Variants in LIPI observed in about 807,000 individuals in gnomAD.
LIPI encodes lipase I, also known as lipase member I.
A neutral mutation model predicts 50.6 loss-of-function variants in LIPI; 59 were observed. The ratio of observed to expected loss-of-function variants is 1.16; its 90% CI spans 0.94 to 1.45. The LOEUF (loss-of-function observed/expected upper bound fraction) is 1.45, where lower values mean the gene tolerates loss of function less well. Among genes scored for constraint, LIPI ranks in the 40% most tolerant of loss-of-function variants. The pLI, the probability that LIPI is intolerant of heterozygous loss-of-function variation, is 0.00. For synonymous variants in LIPI, 203 were observed against 178.2 expected (o/e 1.14, Z -1.11); for missense variants, 586 against 536.3 (o/e 1.09, Z -0.92).
intron 1 of LIPI, chr21:14,206,771 T>C: frequency 8.4e-7 from 1 of 1,183,808 alleles, no homozygotes; most frequent in Non-Finnish European, 1.2e-6. Flanking sequence ...TCCTCTTCTT[T>C]TCTTCATTTT....
intron 7 of LIPI, among the ~76,000 whole-genome samples, chr21:14,154,038 G>A (rs2018190729): frequency 1.3e-5 from 2 of 152,038 alleles, no homozygotes; most frequent in Admixed American, 6.6e-5. Context: ...TTGAAGAAGA[G>A]CTGATTTCTG....
chr21:14,183,272 A>G (rs1600911431), intron 3 of LIPI, among the ~76,000 whole-genome samples: 1 of 152,136 alleles, frequency 6.6e-6, no homozygotes, highest in Admixed American at 6.5e-5. Flanking sequence ...GGCTAGCCAT[A>G]TGTAGAAAGC....
intron 8 of LIPI, among the ~76,000 whole-genome samples, chr21:14,146,770 C>CTTTTTTTTTTT (rs1308738575): frequency 3.1e-5 from 2 of 64,866 alleles, no homozygotes; most frequent in African/African-American, 1.4e-4. Flanking sequence ...TTCCCAGTCT[C>CTTTTTTTTTTT]TATTTTTTTT....
intron 9 of LIPI, among the ~76,000 whole-genome samples, chr21:14,116,191 G>A (rs1002474969): frequency 6.6e-6 from 1 of 152,158 alleles, no homozygotes; most frequent in African/African-American, 2.4e-5. Flanking sequence ...TAGGGCAGGG[G>A]AGGTGTGTGA....
chr21:14,139,932 G>A (rs2017643497), intron 9 of LIPI, among the ~76,000 whole-genome samples: 1 of 152,130 alleles, frequency 6.6e-6, no homozygotes, highest in East Asian at 1.9e-4. Flanking sequence ...CAGTAGTCAA[G>A]GCGTTGAAAT....
intron 9 of LIPI, among the ~76,000 whole-genome samples, chr21:14,139,279 A>T (rs943534800): frequency 2.0e-5 from 3 of 152,154 alleles, no homozygotes; most frequent in Admixed American, 2.0e-4. Context: ...ACAATTTTAC[A>T]TACCTACAAT....
chr21:14,127,011 G>A (rs1258755804), intron 9 of LIPI, among the ~76,000 whole-genome samples: 1 of 152,172 alleles, frequency 6.6e-6, no homozygotes, highest in East Asian at 1.9e-4. Flanking sequence ...ATTTTTGAAA[G>A]TAGCTTTAGC....
chr21:14,120,981 A>G (rs1471390971), intron 9 of LIPI, among the ~76,000 whole-genome samples: 3 of 152,212 alleles, frequency 2.0e-5, no homozygotes, highest in African/African-American at 7.2e-5. Context: ...AGGAAACAGG[A>G]GCAGTGCCAT....
At chr21:14,206,148 T>C (rs2020219495) in intron 1 of LIPI, among the ~76,000 whole-genome samples, 1 of 152,140 alleles carries the variant, frequency 6.6e-6, no homozygotes, top group African/African-American at 2.4e-5. Flanking sequence ...ACAATGCCTG[T>C]GAAATTGAGA....
chr21:14,108,997 G>A lies in LIPI; in HGVS notation c.1379C>T (p.Thr460Ile), dbSNP rs2016299095. Residue 460 changes from threonine to isoleucine, a missense_variant, in exon 10 of 10, where the codon ACA (threonine) becomes ATA (isoleucine). Coordinates refer to ENST00000681601, the MANE Select transcript of LIPI (RefSeq NM_001302998.2). ...LNPNTCTPKNT is the reference protein window; with the variant it reads ...LNPNTCTPKNI ...CATTTGATGGAAGAAGGCATCTTAT[G>A]TGTTCTTTGGTGTACATGTGTTTGG... The A allele has an allele frequency of 6.2e-7, 1 of 1,609,234 alleles. No homozygotes were observed. The highest frequency in any genetic ancestry group is 1.3e-5 in the African/African-American group (1 of 74,912).
At chr21:14,151,128 G>A (rs769437497) in intron 8 of LIPI, among the ~76,000 whole-genome samples, 12 of 152,014 alleles carry the variant, frequency 7.9e-5, no homozygotes, top group South Asian at 2.1e-4. Flanking sequence ...TTATATTTTC[G>A]TTATGGTGAA....
chr21:14,121,089 C>T (rs988070793), intron 9 of LIPI, among the ~76,000 whole-genome samples: 3 of 152,058 alleles, frequency 2.0e-5, no homozygotes, highest in Non-Finnish European at 4.4e-5. Context: ...CAAGGCATTC[C>T]CCACCAGGAC....
chr21:14,149,665 A>G (rs1371321299), intron 8 of LIPI, among the ~76,000 whole-genome samples: 1 of 152,260 alleles, frequency 6.6e-6, no homozygotes, highest in East Asian at 1.9e-4. Context: ...CACCCATTCC[A>G]AATGAGAGCA....
intron 9 of LIPI, among the ~76,000 whole-genome samples, chr21:14,119,866 G>T (rs1600829966): frequency 1.3e-5 from 2 of 152,168 alleles, no homozygotes; most frequent in African/African-American, 2.4e-5. Flanking sequence ...GTTAGCCGAG[G>T]ATGCTAACAA....
chr21:14,202,921 T>C (rs1178861782), intron 1 of LIPI, among the ~76,000 whole-genome samples: 1 of 152,096 alleles, frequency 6.6e-6, no homozygotes, highest in Admixed American at 6.6e-5. Context: ...AGAAAATTTT[T>C]GCAATCTACC....
intron 9 of LIPI, among the ~76,000 whole-genome samples, chr21:14,124,694 T>A (rs1568835382): frequency 6.6e-6 from 1 of 152,252 alleles, no homozygotes; most frequent in African/African-American, 2.4e-5. Flanking sequence ...CTGCTTTCTT[T>A]GTCCGGGGCT....
chr21:14,171,867 G>A (rs1477213459), intron 4 of LIPI, among the ~76,000 whole-genome samples: 1 of 149,396 alleles, frequency 6.7e-6, no homozygotes, highest in African/African-American at 2.4e-5. Flanking sequence ...TTGAGAAATG[G>A]GATCTAATTA....
intron 9 of LIPI, among the ~76,000 whole-genome samples, chr21:14,137,616 G>T (rs775256323): frequency 1.3e-5 from 2 of 152,058 alleles, no homozygotes; most frequent in Non-Finnish European, 2.9e-5. Context: ...GGAAATACAA[G>T]ATTTATTCAC....
At chr21:14,175,041 T>TATGAACATATCAC (rs2019047238) in intron 4 of LIPI, among the ~76,000 whole-genome samples, 1 of 152,254 alleles carries the variant, frequency 6.6e-6, no homozygotes, top group Non-Finnish European at 1.5e-5. Flanking sequence ...TGTCATATAG[T>TATGAACATATCAC]ATTTCATTGT....
Sources: gnomAD v4.1 joint callset for allele counts (sites outside exome capture counted in the v4.1 genomes callset) on GRCh38, gnomAD v4.1.1 for gene constraint, MANE v1.5 for transcripts, NCBI Gene and HGNC (gene_info 2026-07-23, HGNC 2026-07-21) for gene names.